LRRC7: variants seen among roughly 807,000 people sequenced by gnomAD.
LRRC7 encodes leucine-rich repeat-containing protein 7.
A neutral mutation model predicts 175.7 loss-of-function variants in LRRC7; 23 were observed. The ratio of observed to expected loss-of-function variants is 0.13; its 90% CI spans 0.09 to 0.19. LRRC7 has a LOEUF of 0.19. Among genes scored for constraint, LRRC7 ranks in the 10% least tolerant of loss-of-function variants. LRRC7 has a pLI of 1.00. For missense variants in LRRC7, 1,354 were observed against 1,904.7 expected (o/e 0.71, Z 5.38); for synonymous variants, 685 against 680.9 (o/e 1.01, Z -0.09).
At chr1:69,766,775 T>C (rs1297058380) in intron 3 of LRRC7, among the ~76,000 whole-genome samples, 1 of 152,174 alleles carries the variant, frequency 6.6e-6, no homozygotes, top group Non-Finnish European at 1.5e-5. Flanking sequence ...TATTATTTAA[T>C]TGTAAATGCT....
chr1:70,066,996 TGTG>T (rs1331084511), intron 23 of LRRC7, among the ~76,000 whole-genome samples: 2 of 152,176 alleles, frequency 1.3e-5, no homozygotes, highest in East Asian at 1.9e-4. Flanking sequence ...ATGCAAACAT[TGTG>T]GTTTTAATTT....
chr1:69,605,229 C>T (rs561029366), intron 1 of LRRC7, among the ~76,000 whole-genome samples: 1 of 152,286 alleles, frequency 6.6e-6, no homozygotes, highest in South Asian at 2.1e-4. Flanking sequence ...AGTCCCCCTA[C>T]ACAAGCTCTC....
At chr1:69,729,622 C>A (rs1467455033) in intron 2 of LRRC7, among the ~76,000 whole-genome samples, 1 of 152,200 alleles carries the variant, frequency 6.6e-6, no homozygotes, top group Non-Finnish European at 1.5e-5. Context: ...TCTTTGGCAG[C>A]CCTGCCCCTG....
At chr1:69,841,938 A>G (rs1681778366) in intron 7 of LRRC7, among the ~76,000 whole-genome samples, 2 of 152,152 alleles carry the variant, frequency 1.3e-5, no homozygotes, top group Admixed American at 6.6e-5. Context: ...AGGACAAATG[A>G]TTGAGCTTTC....
At chr1:70,029,216 C>A (rs925935384) in intron 18 of LRRC7, among the ~76,000 whole-genome samples, 1 of 152,052 alleles carries the variant, frequency 6.6e-6, no homozygotes, top group Non-Finnish European at 1.5e-5. Context: ...TCAATAATAC[C>A]CCAATAATTT....
chr1:69,735,907 A>C lies in LRRC7; in HGVS notation c.101-24284A>C, dbSNP rs545226177. Among the ~76,000 whole-genome samples, 5 of 151,634 alleles carry C rather than the reference A, an allele frequency of 3.3e-5. No individual in the cohort carries two copies. In the South Asian group the frequency reaches 6.2e-4, roughly 19 times the overall value. On this transcript the variant is annotated intron_variant, in intron 2 of 26. Coordinates refer to ENST00000651989, the MANE Select transcript of LRRC7 (RefSeq NM_001370785.2). ...CCTCTCTCCCCCTACCACCCCACAC[A>C]TTATCACTATTGGGTCATGAATTTA... is the stretch of plus-strand genomic sequence containing the variant.
At chr1:70,055,921 A>G (rs573170783) in intron 23 of LRRC7, among the ~76,000 whole-genome samples, 1 of 152,338 alleles carries the variant, frequency 6.6e-6, no homozygotes, top group East Asian at 1.9e-4. Flanking sequence ...TTGTGATTGG[A>G]CATAGGGCAT....
intron 7 of LRRC7, among the ~76,000 whole-genome samples, chr1:69,929,425 C>T (rs1485622016): frequency 6.6e-6 from 1 of 152,150 alleles, no homozygotes. Context: ...CTTGCAACTC[C>T]ATCCTTCTAG....
intron 15 of LRRC7, chr1:70,020,709 C>G: frequency 7.1e-5 from 12 of 169,394 alleles, no homozygotes; most frequent in East Asian, 3.4e-4. Flanking sequence ...CTTGGTCTAA[C>G]TCTCTATATT....
intron 2 of LRRC7, among the ~76,000 whole-genome samples, chr1:69,735,402 A>C (rs1360003952): frequency 6.6e-6 from 1 of 152,020 alleles, no homozygotes; most frequent in Non-Finnish European, 1.5e-5. Context: ...TGGATTTGTT[A>C]ATTATTTCTT....
intron 1 of LRRC7, among the ~76,000 whole-genome samples, chr1:69,616,892 T>C (rs1209852345): frequency 6.6e-6 from 1 of 152,116 alleles, no homozygotes; most frequent in Admixed American, 6.6e-5. Flanking sequence ...TTCAATGTTT[T>C]GAATATACTA....
chr1:69,817,866 T>C (rs1570115424), intron 4 of LRRC7, among the ~76,000 whole-genome samples: 2 of 152,286 alleles, frequency 1.3e-5, no homozygotes, highest in African/African-American at 4.8e-5. Context: ...TTTCTAAGTG[T>C]GGTATTCTTT....
chr1:70,003,698 C>T (rs916516950), intron 11 of LRRC7, among the ~76,000 whole-genome samples: 3 of 152,164 alleles, frequency 2.0e-5, no homozygotes, highest in South Asian at 2.1e-4. Flanking sequence ...TCCTCCACTT[C>T]CTTCCCCAGC....
chr1:69,959,583 C>A (rs925165329), intron 8 of LRRC7, among the ~76,000 whole-genome samples: 2 of 151,974 alleles, frequency 1.3e-5, no homozygotes, highest in African/African-American at 4.8e-5. Context: ...GAACATAGAT[C>A]GTTTATTTTG....
chr1:69,940,552 C>T (rs1648605152), intron 8 of LRRC7, among the ~76,000 whole-genome samples: 1 of 151,940 alleles, frequency 6.6e-6, no homozygotes, highest in African/African-American at 2.4e-5. Flanking sequence ...TAAAAGCTCC[C>T]TGATGGAACC....
intron 1 of LRRC7, among the ~76,000 whole-genome samples, chr1:69,635,344 A>G (rs1653162082): frequency 6.6e-6 from 1 of 152,124 alleles, no homozygotes; most frequent in Non-Finnish European, 1.5e-5. Context: ...ATAACTACCA[A>G]AAGACTAAAA....
chr1:69,938,995 T>TTATATATATA lies in LRRC7; in HGVS notation c.711+7435_711+7444dup, dbSNP rs71583104. 1.2e-3 allele frequency among the ~76,000 whole-genome samples: 116 copies of TTATATATATA among 97,514 alleles called. 2 individuals carry two copies. The highest frequency in any genetic ancestry group is 2.7e-3 in the African/African-American group (68 of 25,282). 64.0% of individuals were successfully genotyped at this position (97,514 alleles called of 152,430 possible). The stretch of plus-strand genomic sequence containing the variant: ...TTTGTAAAGCCACTAAGGCTGTAGA[T>TTATATATATA]TATATATATATATATATATCTATAT... On this transcript the variant is annotated intron_variant, in intron 8 of 26. Transcript: ENST00000651989.
intron 8 of LRRC7, among the ~76,000 whole-genome samples, chr1:69,975,647 T>C (rs1652738862): frequency 6.6e-6 from 1 of 152,234 alleles, no homozygotes; most frequent in South Asian, 2.1e-4. Flanking sequence ...TGCTGATGTA[T>C]ACAAAATTCT....
intron 1 of LRRC7, among the ~76,000 whole-genome samples, chr1:69,653,129 A>C (rs926326771): frequency 6.6e-6 from 1 of 152,110 alleles, no homozygotes; most frequent in Non-Finnish European, 1.5e-5. Context: ...TCTGCATAAC[A>C]AAACAATCAA....
Sources: gnomAD v4.1 joint callset for allele counts (sites outside exome capture counted in the v4.1 genomes callset) on GRCh38, gnomAD v4.1.1 for gene constraint, MANE v1.5 for transcripts, NCBI Gene and HGNC (gene_info 2026-07-23, HGNC 2026-07-21) for gene names.